Variants in IQCJ observed in about 807,000 individuals in gnomAD.
The protein encoded by IQCJ is IQ domain-containing protein J.
In IQCJ, 9 loss-of-function variants were observed where a neutral mutation model predicts 11.0. The ratio of observed to expected loss-of-function variants is 0.82; its 90% CI spans 0.49 to 1.43. The LOEUF is 1.43. IQCJ is among the 40% of genes most tolerant of loss of function. IQCJ has a pLI of 0.00. For synonymous variants in IQCJ, 55 were observed against 51.3 expected (o/e 1.07, Z -0.31); for missense variants, 146 against 133.2 (o/e 1.10, Z -0.47).
At chr3:159,209,954 T>C (rs1279161755) in intron 1 of IQCJ, among the ~76,000 whole-genome samples, 1 of 152,192 alleles carries the variant, frequency 6.6e-6, no homozygotes, top group Non-Finnish European at 1.5e-5. Context: ...AGGGCCTAAA[T>C]ACATTTTTTA....
At chr3:159,095,325 T>G (rs1717653646) in intron 1 of IQCJ, among the ~76,000 whole-genome samples, 1 of 151,834 alleles carries the variant, frequency 6.6e-6, no homozygotes. Context: ...TTTTGGAATA[T>G]AGAGACGACA....
intron 1 of IQCJ, among the ~76,000 whole-genome samples, chr3:159,084,881 A>G (rs1716599194): frequency 6.6e-6 from 1 of 150,678 alleles, no homozygotes. Flanking sequence ...GGCACATCCT[A>G]GTTACTTGTT....
intron 1 of IQCJ, among the ~76,000 whole-genome samples, chr3:159,172,180 T>C (rs1722515422): frequency 6.6e-6 from 1 of 152,184 alleles, no homozygotes; most frequent in Admixed American, 6.5e-5. Context: ...GTCAAAATAT[T>C]ATAAAGCTTA....
At chr3:159,100,915 C>A in intron 1 of IQCJ, among the ~76,000 whole-genome samples, 1 of 31,818 alleles carries the variant, frequency 3.1e-5, no homozygotes. Flanking sequence ...AGCTTCCGGG[C>A]TGCTTTGTTT....
intron 1 of IQCJ, among the ~76,000 whole-genome samples, chr3:159,105,423 A>G (rs1331255404): frequency 6.6e-6 from 1 of 152,158 alleles, no homozygotes. Flanking sequence ...AATTTTATTG[A>G]GCATCTACTA....
intron 1 of IQCJ, among the ~76,000 whole-genome samples, chr3:159,113,555 A>G (rs904411544): frequency 6.6e-6 from 1 of 152,188 alleles, no homozygotes; most frequent in Non-Finnish European, 1.5e-5. Flanking sequence ...GAGTTGCTTT[A>G]TGTTCGTTTA....
intron 1 of IQCJ, among the ~76,000 whole-genome samples, chr3:159,077,655 T>G (rs1209299365): frequency 6.6e-6 from 1 of 152,116 alleles, no homozygotes; most frequent in African/African-American, 2.4e-5. Context: ...ATCCATTTGC[T>G]TGTATAGTCA....
intron 1 of IQCJ, among the ~76,000 whole-genome samples, chr3:159,107,066 A>C (rs1718309365): frequency 6.6e-6 from 1 of 152,142 alleles, no homozygotes; most frequent in African/African-American, 2.4e-5. Flanking sequence ...TGTTATTCAT[A>C]TTCAAAGTGT....
chr3:159,121,809 G>A (rs1370772869), intron 1 of IQCJ, among the ~76,000 whole-genome samples: 1 of 152,158 alleles, frequency 6.6e-6, no homozygotes, highest in Non-Finnish European at 1.5e-5. Context: ...GGAGCAGAAA[G>A]GATATTCTGA....
chr3:159,250,021 A>G (rs1041346505), intron 2 of IQCJ, among the ~76,000 whole-genome samples: 1 of 152,246 alleles, frequency 6.6e-6, no homozygotes, highest in Non-Finnish European at 1.5e-5. Flanking sequence ...TTGTTTAGGA[A>G]AATCACTTAT....
intron 1 of IQCJ, among the ~76,000 whole-genome samples, chr3:159,215,567 C>T (rs888461433): frequency 9.2e-5 from 14 of 152,038 alleles, no homozygotes; most frequent in African/African-American, 3.1e-4. Flanking sequence ...AGTAGAAAAC[C>T]AGACACATTT....
At chr3:159,240,145 G>T (rs1254082812) in intron 1 of IQCJ, among the ~76,000 whole-genome samples, 1 of 152,112 alleles carries the variant, frequency 6.6e-6, no homozygotes, top group Non-Finnish European at 1.5e-5. Flanking sequence ...TATGGAACCA[G>T]AGTCTATAGG....
At chr3:159,141,673 G>T (rs1008602110) in intron 1 of IQCJ, among the ~76,000 whole-genome samples, 3 of 152,066 alleles carry the variant, frequency 2.0e-5, no homozygotes, top group African/African-American at 7.3e-5. Context: ...ATTAGTACTT[G>T]AATAAATTAT....
chr3:159,155,346 T>C (rs961972179), intron 1 of IQCJ, among the ~76,000 whole-genome samples: 2 of 152,088 alleles, frequency 1.3e-5, no homozygotes, highest in African/African-American at 2.4e-5. Flanking sequence ...TTGGTAGAGA[T>C]GGGGTTTCAC....
chr3:159,146,830 G>A (rs1210517576), intron 1 of IQCJ, among the ~76,000 whole-genome samples: 1 of 152,298 alleles, frequency 6.6e-6, no homozygotes, highest in East Asian at 1.9e-4. Flanking sequence ...AGAACTTTGT[G>A]ATTCCATCAC....
chr3:159,209,358 G>A (rs1051906839), intron 1 of IQCJ, among the ~76,000 whole-genome samples: 68 of 151,996 alleles, frequency 4.5e-4, no homozygotes, highest in Admixed American at 4.0e-3. Context: ...TCCCCCTTCC[G>A]GCTCCCCTTC....
intron 1 of IQCJ, among the ~76,000 whole-genome samples, chr3:159,103,169 T>G (rs1468223609): frequency 7.9e-5 from 12 of 152,246 alleles, no homozygotes; most frequent in Non-Finnish European, 7.3e-5. Context: ...AGATTTCACC[T>G]GAAGATTTTT....
At chr3:159,194,526 C>T (rs1357103455) in intron 1 of IQCJ, among the ~76,000 whole-genome samples, 1 of 152,192 alleles carries the variant, frequency 6.6e-6, no homozygotes, top group East Asian at 1.9e-4. Flanking sequence ...AAGGTGGCCA[C>T]TGTCAAGCTT....
intron 1 of IQCJ, among the ~76,000 whole-genome samples, chr3:159,127,819 C>A (rs1402027480): frequency 2.0e-5 from 3 of 152,164 alleles, no homozygotes; most frequent in African/African-American, 4.8e-5. Flanking sequence ...AATTAAAAAT[C>A]AGTGGGGGGC....
Sources: gnomAD v4.1 joint callset for allele counts (sites outside exome capture counted in the v4.1 genomes callset) on GRCh38, gnomAD v4.1.1 for gene constraint, MANE v1.5 for transcripts, NCBI Gene and HGNC (gene_info 2026-07-23, HGNC 2026-07-21) for gene names.